The following DPP10 variants were observed in gnomAD, a reference collection of about 807,000 sequenced individuals.
The protein encoded by DPP10 is inactive dipeptidyl peptidase 10.
DPP10 carries 33 observed loss-of-function variants against 120.9 expected under a neutral mutation model. That is an observed-to-expected ratio of 0.27 (90% CI 0.21 to 0.37). The LOEUF (loss-of-function observed/expected upper bound fraction) is 0.37. Ranked by LOEUF, DPP10 falls within the 10% of genes least tolerant of loss-of-function variation. The pLI, the probability that DPP10 is intolerant of heterozygous loss-of-function variation, is 1.00. For synonymous variants in DPP10, 337 were observed against 326.1 expected (o/e 1.03, Z -0.36); for missense variants, 816 against 942.8 (o/e 0.87, Z 1.76).
At chr2:115,712,461 CT>C (rs1188093796) in intron 7 of DPP10, among the ~76,000 whole-genome samples, 1 of 145,630 alleles carries the variant, frequency 6.9e-6, no homozygotes. Context: ...TTAGGGACCC[CT>C]AATTTAGAAA....
intron 7 of DPP10, among the ~76,000 whole-genome samples, chr2:115,694,428 A>G (rs1343359588): frequency 6.6e-6 from 1 of 152,178 alleles, no homozygotes; most frequent in Non-Finnish European, 1.5e-5. Context: ...GAGGAAGAGG[A>G]TCTAAGTTAG....
intron 4 of DPP10, among the ~76,000 whole-genome samples, chr2:115,501,371 T>C (rs907590548): frequency 6.6e-6 from 1 of 152,118 alleles, no homozygotes; most frequent in South Asian, 2.1e-4. Context: ...ATTCTTTTGC[T>C]GGTACTACAC....
At chr2:115,334,817 C>T (rs933155513) in intron 2 of DPP10, among the ~76,000 whole-genome samples, 39 of 151,576 alleles carry the variant, frequency 2.6e-4, no homozygotes, top group African/African-American at 8.5e-4. Flanking sequence ...AAATGAGCTC[C>T]GTAATTTGCT....
At chr2:114,882,626 C>A (rs900743564) in intron 1 of DPP10, among the ~76,000 whole-genome samples, 1 of 151,992 alleles carries the variant, frequency 6.6e-6, no homozygotes, top group Non-Finnish European at 1.5e-5. Context: ...CTAAAATCAC[C>A]GCTAAAGAAC....
At chr2:115,590,626 A>G (rs2082596935) in intron 5 of DPP10, among the ~76,000 whole-genome samples, 1 of 152,244 alleles carries the variant, frequency 6.6e-6, no homozygotes, top group South Asian at 2.1e-4. Context: ...CACAATAAAC[A>G]TACGTGTGAA....
chr2:114,940,174 A>C (rs1040905841), intron 1 of DPP10, among the ~76,000 whole-genome samples: 1 of 152,152 alleles, frequency 6.6e-6, no homozygotes, highest in Non-Finnish European at 1.5e-5. Flanking sequence ...AAGCATTGAT[A>C]ATCGAAGGTT....
At chr2:114,532,671 A>G (rs1480492456) in intron 1 of DPP10, among the ~76,000 whole-genome samples, 1 of 152,086 alleles carries the variant, frequency 6.6e-6, no homozygotes, top group Non-Finnish European at 1.5e-5. Flanking sequence ...TAATATGTGG[A>G]TTAGTTTTGA....
chr2:114,723,729 C>A (rs894532891), intron 1 of DPP10, among the ~76,000 whole-genome samples: 4 of 152,154 alleles, frequency 2.6e-5, no homozygotes, highest in Admixed American at 2.6e-4. Flanking sequence ...TCTAAAATTG[C>A]CCTTTCCTTT....
At chr2:114,606,879 G>T (rs1055444341) in intron 1 of DPP10, among the ~76,000 whole-genome samples, 2 of 152,150 alleles carry the variant, frequency 1.3e-5, no homozygotes, top group African/African-American at 4.8e-5. Flanking sequence ...TAAGCATATT[G>T]TTGAAAAGAT....
intron 5 of DPP10, among the ~76,000 whole-genome samples, chr2:115,606,247 T>G (rs1172162797): frequency 6.6e-6 from 1 of 152,156 alleles, no homozygotes; most frequent in Non-Finnish European, 1.5e-5. Context: ...AACCTGTTCT[T>G]AAAATCCTGC....
intron 16 of DPP10, among the ~76,000 whole-genome samples, 199 bp from the exon 17 acceptor site, chr2:115,782,153 G>A (rs10188398): frequency 6.6e-6 from 1 of 151,932 alleles, no homozygotes; most frequent in Non-Finnish European, 1.5e-5. Flanking sequence ...TCTGCAAATA[G>A]TTTCCTTCTC....
chr2:115,088,766 A>AAAAAAAAAAAAC, intron 1 of DPP10, among the ~76,000 whole-genome samples: 1 of 150,614 alleles, frequency 6.6e-6, no homozygotes, highest in Admixed American at 6.6e-5. Flanking sequence ...AAAAAAAAAA[A>AAAAAAAAAAAAC]AAACCAAAAA....
chr2:114,815,049 C>CTT, intron 1 of DPP10, among the ~76,000 whole-genome samples: 1 of 152,290 alleles, frequency 6.6e-6, no homozygotes, highest in Middle Eastern at 3.4e-3. Context: ...TCCCTCCACC[C>CTT]TTCTGCTCCC....
chr2:115,237,024 G>T (rs1365371628), intron 1 of DPP10, among the ~76,000 whole-genome samples: 1 of 151,902 alleles, frequency 6.6e-6, no homozygotes, highest in East Asian at 1.9e-4. Context: ...AGCAGCAACA[G>T]CCATCACAAT....
chr2:114,663,271 T>TATATATATATATATACAC (rs375462897), intron 1 of DPP10, among the ~76,000 whole-genome samples: 17 of 147,296 alleles, frequency 1.2e-4, no homozygotes, highest in African/African-American at 3.2e-4. Flanking sequence ...TATATATATA[T>TATATATATATATATACAC]ACACACACAT....
intron 1 of DPP10, among the ~76,000 whole-genome samples, chr2:115,178,775 A>G (rs72955522): frequency 0.019 from 2,877 of 152,310 alleles, 37 homozygotes; most frequent in African/African-American, 0.038. Context: ...GTATATATAC[A>G]TTTATTTATA....
intron 3 of DPP10, among the ~76,000 whole-genome samples, chr2:115,390,599 C>G (rs1020829949): frequency 6.6e-6 from 1 of 151,996 alleles, no homozygotes; most frequent in Non-Finnish European, 1.5e-5. Context: ...TACCAATTTT[C>G]CCTTCAATAC....
chr2:114,491,012 C>T (rs1397071774), intron 1 of DPP10, among the ~76,000 whole-genome samples: 1 of 152,050 alleles, frequency 6.6e-6, no homozygotes, highest in Non-Finnish European at 1.5e-5. Flanking sequence ...CATTGAGTGC[C>T]CATTATGCCC....
intron 1 of DPP10, among the ~76,000 whole-genome samples, chr2:115,265,614 C>T (rs1312414146): frequency 1.3e-5 from 2 of 152,054 alleles, no homozygotes; most frequent in African/African-American, 4.8e-5. Flanking sequence ...TTGGTAGCCA[C>T]TCACTAAATG....
Sources: allele counts gnomAD v4.1 joint callset (sites outside exome capture counted in the v4.1 genomes callset), GRCh38; gene constraint gnomAD v4.1.1; transcripts MANE v1.5; gene names NCBI Gene and HGNC (gene_info 2026-07-23, HGNC 2026-07-21).